The following GLG1 variants were observed in gnomAD, a reference collection of about 807,000 sequenced individuals.
GLG1 encodes golgi glycoprotein 1.
GLG1 carries 38 observed loss-of-function variants against 160.5 expected under a neutral mutation model. The ratio of observed to expected loss-of-function variants is 0.24; its 90% CI spans 0.18 to 0.31. The LOEUF is 0.31. GLG1 is among the 10% of genes least tolerant of loss of function. The pLI is 1.00. For synonymous variants in GLG1, 644 were observed against 543.4 expected (o/e 1.19, Z -2.57); for missense variants, 1,373 against 1,505.2 (o/e 0.91, Z 1.45).
At chr16:74,477,370 G>C in intron 12 of GLG1, 26 bp downstream of exon 12, 1 of 1,571,228 alleles carries the variant, frequency 6.4e-7, no homozygotes, top group Admixed American at 1.7e-5. Flanking sequence ...ATTATTGTAA[G>C]ACAAACAGAA....
chr16:74,485,797 T>G lies in GLG1; in HGVS notation c.1570A>C (p.Met524Leu). ...AATACCATGGAGAAGATAACTTACATTGGGTCTCCAGATCTTATATGTTTG... is the reference window on the plus strand; with the variant it reads ...AATACCATGGAGAAGATAACTTACAGTGGGTCTCCAGATCTTATATGTTTG... ...ACKHIRSGDP[M>L]ILSCLMEHLY... The change falls in exon 9 of 26, where the codon ATG becomes CTG. Residue 524 changes from methionine to leucine, a missense_variant and splice_region_variant. Met to Leu is a conservative substitution (Grantham distance 15). Transcript: ENST00000422840. 1 of 1,612,164 alleles carries G rather than the reference T, an allele frequency of 6.2e-7. No individual in the cohort carries two copies. Among genetic ancestry groups the G allele is most frequent in the Admixed American group, 1.7e-5 (1 of 59,722 alleles).
intron 2 of GLG1, among the ~76,000 whole-genome samples, chr16:74,513,326 A>T (rs1054758418): frequency 6.6e-6 from 1 of 152,020 alleles, no homozygotes; most frequent in African/African-American, 2.4e-5. Context: ...TGAAGGGAAA[A>T]ATTTCCTTCA....
intron 1 of GLG1, among the ~76,000 whole-genome samples, chr16:74,602,683 T>C (rs186624740): frequency 3.2e-4 from 48 of 151,954 alleles, no homozygotes; most frequent in African/African-American, 1.1e-3. Flanking sequence ...CTTGGGAGGC[T>C]GAAGCAGGAA....
intron 1 of GLG1, among the ~76,000 whole-genome samples, chr16:74,567,726 G>A (rs1291696287): frequency 2.0e-5 from 3 of 151,112 alleles, no homozygotes; most frequent in African/African-American, 7.3e-5. Context: ...CCGCCACCGC[G>A]CCCGGCTAAT....
Sources: allele counts gnomAD v4.1 joint callset (sites outside exome capture counted in the v4.1 genomes callset), GRCh38; gene constraint gnomAD v4.1.1; transcripts MANE v1.5; gene names NCBI Gene and HGNC (gene_info 2026-07-23, HGNC 2026-07-21).